TMEM132D: variants seen among roughly 807,000 people sequenced by gnomAD.
TMEM132D encodes the protein transmembrane protein 132D, also known as mature OL transmembrane protein.
A neutral mutation model predicts 62.3 loss-of-function variants in TMEM132D; 21 were observed. The observed-to-expected ratio is 0.34, with a 90% CI of 0.24 to 0.49. TMEM132D has a LOEUF of 0.49. TMEM132D is among the 20% of genes least tolerant of loss of function. The pLI, the probability that TMEM132D is intolerant of heterozygous loss-of-function variation, is 0.99. For missense variants in TMEM132D, 1,346 were observed against 1,402.8 expected (o/e 0.96, Z 0.65); for synonymous variants, 621 against 575.6 (o/e 1.08, Z -1.13).
intron 2 of TMEM132D, among the ~76,000 whole-genome samples, chr12:129,619,988 G>A (rs1368924875): frequency 1.3e-5 from 2 of 152,180 alleles, no homozygotes; most frequent in African/African-American, 2.4e-5. Flanking sequence ...CCAAAGCCAC[G>A]CAGCCCAGGT....
chr12:129,816,426 G>A (rs191780410), intron 1 of TMEM132D, among the ~76,000 whole-genome samples: 6 of 152,164 alleles, frequency 3.9e-5, no homozygotes, highest in Non-Finnish European at 7.4e-5. Context: ...GATCACCATC[G>A]CCCCGCTTCT....
chr12:129,546,118 G>A (rs1438494429), intron 2 of TMEM132D, among the ~76,000 whole-genome samples: 1 of 152,050 alleles, frequency 6.6e-6, no homozygotes, highest in Non-Finnish European at 1.5e-5. Context: ...TTGTGTTATG[G>A]GATCCTCAAA....
intron 3 of TMEM132D, among the ~76,000 whole-genome samples, chr12:129,384,473 T>G (rs1053920886): frequency 6.6e-6 from 1 of 151,466 alleles, no homozygotes; most frequent in African/African-American, 2.4e-5. Context: ...CTCAAGGTAC[T>G]CCATGGTTCC....
intron 1 of TMEM132D, among the ~76,000 whole-genome samples, chr12:129,816,688 T>C (rs76666837): frequency 0.016 from 2,418 of 152,308 alleles, 62 homozygotes; most frequent in African/African-American, 0.055. Flanking sequence ...TCCCGAGTCT[T>C]GGGGAAAAGG....
intron 4 of TMEM132D, among the ~76,000 whole-genome samples, chr12:129,266,069 T>C (rs1593316448): frequency 6.6e-6 from 1 of 152,194 alleles, no homozygotes; most frequent in Middle Eastern, 3.4e-3. Flanking sequence ...GATTTTTGTC[T>C]TGGCTCCTCT....
At chr12:129,134,520 G>T (rs1876498915) in intron 5 of TMEM132D, among the ~76,000 whole-genome samples, 1 of 152,116 alleles carries the variant, frequency 6.6e-6, no homozygotes, top group South Asian at 2.1e-4. Flanking sequence ...ATGATTTAGA[G>T]CTCCTATTTC....
chr12:129,794,927 A>G (rs1390489124), intron 1 of TMEM132D, among the ~76,000 whole-genome samples: 2 of 152,196 alleles, frequency 1.3e-5, no homozygotes, highest in African/African-American at 4.8e-5. Flanking sequence ...AATTTAAATC[A>G]TACTAAAAGT....
chr12:129,536,875 G>A (rs988061796), intron 2 of TMEM132D, among the ~76,000 whole-genome samples: 25 of 152,166 alleles, frequency 1.6e-4, no homozygotes, highest in Admixed American at 1.3e-4. Flanking sequence ...TTTCATATGC[G>A]GCCGGGCGCG....
intron 1 of TMEM132D, among the ~76,000 whole-genome samples, chr12:129,825,909 T>A (rs263296): frequency 1 from 151,740 of 152,220 alleles, 75,633 homozygotes; most frequent in Middle Eastern, 1. Flanking sequence ...ACAAAAAAAT[T>A]AAAAAATTAG....
intron 2 of TMEM132D, among the ~76,000 whole-genome samples, chr12:129,583,408 T>C (rs1877934549): frequency 6.6e-6 from 1 of 152,200 alleles, no homozygotes; most frequent in Non-Finnish European, 1.5e-5. Flanking sequence ...GTTTCGTGTA[T>C]TGATGGTGGC....
chr12:129,735,193 G>A (rs201151890), intron 1 of TMEM132D, among the ~76,000 whole-genome samples: 21 of 152,248 alleles, frequency 1.4e-4, no homozygotes, highest in African/African-American at 4.1e-4. Flanking sequence ...ATTCCGTATC[G>A]CAGTCTTGAT....
At chr12:129,491,843 G>A (rs1874804464) in intron 3 of TMEM132D, among the ~76,000 whole-genome samples, 1 of 152,206 alleles carries the variant, frequency 6.6e-6, no homozygotes, top group Non-Finnish European at 1.5e-5. Flanking sequence ...TTGGGAGACT[G>A]CGGCAGGAGA....
intron 2 of TMEM132D, among the ~76,000 whole-genome samples, chr12:129,651,011 C>T (rs1041215829): frequency 6.6e-6 from 1 of 152,158 alleles, no homozygotes; most frequent in Non-Finnish European, 1.5e-5. Context: ...CACATCATTT[C>T]AAAATATGTT....
intron 1 of TMEM132D, among the ~76,000 whole-genome samples, chr12:129,815,935 G>A (rs796544915): frequency 7.2e-5 from 11 of 152,322 alleles, no homozygotes; most frequent in Non-Finnish European, 1.3e-4. Flanking sequence ...CAGATAGCCC[G>A]GGAAACCTTT....
intron 2 of TMEM132D, among the ~76,000 whole-genome samples, chr12:129,686,681 C>T (rs1306038290): frequency 1.3e-5 from 2 of 152,124 alleles, no homozygotes; most frequent in Admixed American, 6.5e-5. Flanking sequence ...CACATTTTGC[C>T]AAAGCAAATC....
rs967101221 is a variant in TMEM132D, at chr12:129,075,006, C to T, written c.2169G>A (p.Leu723=). The change falls in exon 9 of 9, where the codon TTG becomes TTA. Residue 723 remains leucine (L), a synonymous_variant. Transcript: ENST00000422113. ...VQFSDGSVTP[L]DIYDGKDFSL... is the part of the protein sequence containing the mutation. ...AGAAGTCTTTCCCATCGTAAATATC[C>T]AAGGGCGTGACTGAGCCATCACTGA... 1.2e-6 allele frequency: 2 copies of T among 1,613,410 alleles called. No individual in the cohort carries two copies. Among genetic ancestry groups the T allele is most frequent in the African/African-American group, 1.3e-5 (1 of 74,854 alleles).
chr12:129,436,123 G>A (rs745923475), intron 3 of TMEM132D, among the ~76,000 whole-genome samples: 3 of 152,102 alleles, frequency 2.0e-5, no homozygotes, highest in Non-Finnish European at 2.9e-5. Context: ...TTGAGGGCAC[G>A]TGGATGAGAA....
chr12:129,715,890 G>T (rs927777359), intron 1 of TMEM132D, among the ~76,000 whole-genome samples: 63 of 152,298 alleles, frequency 4.1e-4, no homozygotes, highest in African/African-American at 1.4e-3. Context: ...AGGCACGGCT[G>T]CACGTCACTG....
At chr12:129,255,005 C>T (rs1163572087) in intron 4 of TMEM132D, among the ~76,000 whole-genome samples, 1 of 152,176 alleles carries the variant, frequency 6.6e-6, no homozygotes, top group African/African-American at 2.4e-5. Context: ...CGGTTTAGCA[C>T]TGTCCCTTTG....
Sources: allele counts gnomAD v4.1 joint callset (sites outside exome capture counted in the v4.1 genomes callset), GRCh38; gene constraint gnomAD v4.1.1; transcripts MANE v1.5; gene names NCBI Gene and HGNC (gene_info 2026-07-23, HGNC 2026-07-21).